LRRC28: variants seen among roughly 807,000 people sequenced by gnomAD.
LRRC28 encodes the protein leucine-rich repeat-containing protein 28.
A neutral mutation model predicts 45.7 loss-of-function variants in LRRC28; 39 were observed. The observed-to-expected ratio is 0.85, with a 90% confidence interval of 0.66 to 1.12. LRRC28 has a LOEUF of 1.12. Ranked by LOEUF, LRRC28 falls within the 50% of genes most tolerant of loss-of-function variation. The pLI, the probability that LRRC28 is intolerant of heterozygous loss-of-function variation, is 0.00. For synonymous variants in LRRC28, 206 were observed against 178.8 expected (o/e 1.15, Z -1.22); for missense variants, 435 against 438.5 (o/e 0.99, Z 0.07).
chr15:99,376,947 A>T (rs531193184), intron 9 of LRRC28, among the ~76,000 whole-genome samples: 5 of 152,220 alleles, frequency 3.3e-5, no homozygotes, highest in Admixed American at 2.6e-4. Flanking sequence ...TCTATCATTG[A>T]TGGACATTTG....
rs1958069941 is a variant in LRRC28 at position 99,387,759 on chromosome 15, G to T, written c.*1657G>T. The T allele has an allele frequency of 6.6e-6, 1 of 151,942 alleles. No homozygotes were observed. The highest frequency in any genetic ancestry group is 2.4e-5 in the African/African-American group (1 of 41,270). 9.4% of individuals were successfully genotyped at this position (151,942 alleles called of 1,614,324 possible). The stretch of plus-strand genomic sequence containing the variant: ...GAATGGAGAACCAAGAATTTGCTTG[G>T]TAGAAAAATTATTTTTTTTTAATTT... On this transcript the variant is annotated 3_prime_UTR_variant, in exon 10 of 10. Transcript: ENST00000301981.
chr15:99,297,217 A>C (rs2082288663), intron 5 of LRRC28: 1 of 151,836 alleles, frequency 6.6e-6, no homozygotes, highest in Non-Finnish European at 1.5e-5. Flanking sequence ...CCAGAGCCCT[A>C]AACTCGTATT....
At chr15:99,325,665 G>C (rs1955949174) in intron 5 of LRRC28, among the ~76,000 whole-genome samples, 2 of 152,186 alleles carry the variant, frequency 1.3e-5, no homozygotes, top group Admixed American at 1.3e-4. Context: ...GTGGATTTTA[G>C]ATTTTGTGAA....
chr15:99,350,623 G>A (rs1956848100), intron 6 of LRRC28, among the ~76,000 whole-genome samples: 1 of 152,110 alleles, frequency 6.6e-6, no homozygotes, highest in African/African-American at 2.4e-5. Flanking sequence ...TGGTTAAATG[G>A]GTTTTCATTT....
chr15:99,344,896 C>T (rs923876346), intron 6 of LRRC28, among the ~76,000 whole-genome samples: 3 of 152,220 alleles, frequency 2.0e-5, no homozygotes, highest in African/African-American at 7.2e-5. Flanking sequence ...TCCAACTCTT[C>T]TCTGTGCAAT....
At chr15:99,312,571 CTAAT>C (rs1955453134) in intron 5 of LRRC28, among the ~76,000 whole-genome samples, 1 of 152,230 alleles carries the variant, frequency 6.6e-6, no homozygotes, top group Admixed American at 6.5e-5. Context: ...AAAGTATAGT[CTAAT>C]TAATAAACCA....
intron 2 of LRRC28, chr15:99,258,927 A>G (rs2042517988): frequency 1.4e-6 from 1 of 726,926 alleles, no homozygotes; most frequent in African/African-American, 1.7e-5. Flanking sequence ...GGTGTGGTGG[A>G]CTCAGGTGGT....
intron 5 of LRRC28, among the ~76,000 whole-genome samples, chr15:99,291,609 C>G (rs1024994099): frequency 5.9e-5 from 9 of 152,218 alleles, no homozygotes; most frequent in Non-Finnish European, 1.0e-4. Flanking sequence ...TAACAAACCC[C>G]TTCTCCATAG....
At chr15:99,359,709 C>T (rs79824092) in intron 7 of LRRC28, among the ~76,000 whole-genome samples, 2,648 of 152,252 alleles carry the variant, frequency 0.017, 83 homozygotes, top group African/African-American at 0.061. Context: ...GGAGAGAAAA[C>T]ATTGAAACCA....
chr15:99,341,083 C>CTT (rs528372394), intron 6 of LRRC28, among the ~76,000 whole-genome samples: 1,364 of 100,468 alleles, frequency 0.014, 2 homozygotes, highest in Non-Finnish European at 0.018. Flanking sequence ...ATTCTACTGT[C>CTT]TTTTTTTTTT....
chr15:99,273,878 A>C (rs901610805), intron 2 of LRRC28, among the ~76,000 whole-genome samples: 1 of 152,222 alleles, frequency 6.6e-6, no homozygotes, highest in Non-Finnish European at 1.5e-5. Flanking sequence ...TTTTTGGACA[A>C]ATCTTTCCTT....
chr15:99,309,279 C>CA (rs1302192801), intron 5 of LRRC28, among the ~76,000 whole-genome samples: 2 of 152,164 alleles, frequency 1.3e-5, no homozygotes, highest in African/African-American at 2.4e-5. Flanking sequence ...CCCCTGGGTT[C>CA]AAAAAACAGA....
chr15:99,363,117 C>A lies in LRRC28; in HGVS notation c.883C>A (p.Leu295Met). ...YHSLLKDLNFLSPISLPRSLL... is the reference protein window; with the variant it reads ...YHSLLKDLNFMSPISLPRSLL... ...CTTTTGTGTTCCAGATTTGAACTTT[C>A]TGTCTCCAATCTCATTACCCAGAAG... is the stretch of plus-strand genomic sequence containing the variant. The change falls in exon 9 of 10, where the codon CTG becomes ATG. Residue 295 changes from leucine (L) to methionine (M), a missense_variant. Coordinates refer to ENST00000301981, the MANE Select transcript of LRRC28 (RefSeq NM_144598.5). 6.2e-7 allele frequency: 1 copy of A among 1,604,822 alleles called. No individual in the cohort carries two copies. The highest frequency in any genetic ancestry group is 1.1e-5 in the South Asian group (1 of 89,446).
At chr15:99,345,762 A>G (rs1956659449) in intron 6 of LRRC28, among the ~76,000 whole-genome samples, 1 of 152,222 alleles carries the variant, frequency 6.6e-6, no homozygotes, top group African/African-American at 2.4e-5. Flanking sequence ...ATGCTTAAAA[A>G]ACATATTGTA....
At chr15:99,354,476 A>T (rs1956987222) in intron 7 of LRRC28, among the ~76,000 whole-genome samples, 1 of 152,200 alleles carries the variant, frequency 6.6e-6, no homozygotes, top group South Asian at 2.1e-4. Context: ...AAGGGGTAGT[A>T]GCACAAGGGC....
At chr15:99,377,444 C>A (rs1231104750) in intron 9 of LRRC28, among the ~76,000 whole-genome samples, 1 of 152,082 alleles carries the variant, frequency 6.6e-6, no homozygotes, top group Non-Finnish European at 1.5e-5. Context: ...GGATGTTAGC[C>A]CTTTGCCAGA....
In LRRC28 at chr15:99,387,382, G is replaced by A. The variant is rs917695522; in HGVS notation, c.*1280G>A. Reference sequence around the variant, plus strand: ...GCCCACTACTGGTTTTTAACAGGATGATTCAAAGTACAGCCCGTGCACATT... The same window carrying A: ...GCCCACTACTGGTTTTTAACAGGATAATTCAAAGTACAGCCCGTGCACATT... On this transcript the variant is annotated 3_prime_UTR_variant, in exon 10 of 10. Transcript: ENST00000301981. The A allele has an allele frequency of 7.2e-5, 11 of 152,290 alleles. No homozygotes were observed. The highest frequency in any genetic ancestry group is 2.7e-4 in the African/African-American group (11 of 41,470). 9.4% of individuals were successfully genotyped at this position (152,290 alleles called of 1,614,324 possible).
At chr15:99,358,216 T>G (rs1464907963) in intron 7 of LRRC28, among the ~76,000 whole-genome samples, 1 of 152,148 alleles carries the variant, frequency 6.6e-6, no homozygotes. Flanking sequence ...TACCACACAT[T>G]TAAATATACA....
intron 4 of LRRC28, 146 bp from the exon 5 acceptor site, chr15:99,287,668 T>A: frequency 1.3e-6 from 1 of 752,382 alleles, no homozygotes; most frequent in East Asian, 2.8e-5. Context: ...TTCATGAACT[T>A]AGTTTGATCT....
Sources: allele counts gnomAD v4.1 joint callset (sites outside exome capture counted in the v4.1 genomes callset), GRCh38; gene constraint gnomAD v4.1.1; transcripts MANE v1.5; gene names NCBI Gene and HGNC (gene_info 2026-07-23, HGNC 2026-07-21).